Variants in SIDT1 observed in about 807,000 individuals in gnomAD.
The protein encoded by SIDT1 is SID1 transmembrane family member 1, also known as SID1 transmembrane family, member 1.
In SIDT1, 101 loss-of-function variants were observed where a neutral mutation model predicts 107.5. The ratio of observed to expected loss-of-function variants is 0.94; its 90% CI spans 0.80 to 1.11. SIDT1 has a LOEUF of 1.11. Ranked by LOEUF, SIDT1 falls within the 50% of genes least tolerant of loss-of-function variation. The pLI is 0.00. For missense variants in SIDT1, 1,076 were observed against 1,058.2 expected (o/e 1.02, Z -0.23); for synonymous variants, 395 against 398.2 (o/e 0.99, Z 0.10).
intron 1 of SIDT1, among the ~76,000 whole-genome samples, chr3:113,559,861 C>G (rs1941260142): frequency 6.6e-6 from 1 of 152,116 alleles, no homozygotes; most frequent in African/African-American, 2.4e-5. Context: ...TTTACATGTA[C>G]AAACATCCCT....
At chr3:113,618,097 CT>C (rs917943050) in intron 20 of SIDT1, among the ~76,000 whole-genome samples, 6 of 152,250 alleles carry the variant, frequency 3.9e-5, no homozygotes, top group Non-Finnish European at 5.9e-5. Flanking sequence ...CTCCCTCCCT[CT>C]TAAGTCCTCA....
chr3:113,534,248 C>A (rs543772999), intron 1 of SIDT1, among the ~76,000 whole-genome samples: 43 of 152,102 alleles, frequency 2.8e-4, no homozygotes, highest in Non-Finnish European at 5.2e-4. Flanking sequence ...GATATGCCTC[C>A]GTCTGATTCT....
At chr3:113,601,539 G>A (rs748730978) in intron 10 of SIDT1, 49 bp from the exon 11 acceptor site, 1 of 1,304,102 alleles carries the variant, frequency 7.7e-7, no homozygotes, top group Non-Finnish European at 1.1e-6. Flanking sequence ...GTGTTGTTTT[G>A]TTTTAGCAAC....
At chr3:113,581,537 A>G (rs1576841545) in intron 6 of SIDT1, 93 bp downstream of exon 6, 2 of 1,001,594 alleles carry the variant, frequency 2.0e-6, no homozygotes, top group South Asian at 1.3e-5. Flanking sequence ...ATGGCCATCC[A>G]TGATGTGCCT....
chr3:113,536,928 C>T (rs577351336), intron 1 of SIDT1, among the ~76,000 whole-genome samples: 1 of 152,316 alleles, frequency 6.6e-6, no homozygotes, highest in South Asian at 2.1e-4. Flanking sequence ...AACCACAGGG[C>T]TCAGCCAGGC....
intron 1 of SIDT1, among the ~76,000 whole-genome samples, chr3:113,550,367 G>A (rs1940081324): frequency 6.6e-6 from 1 of 152,152 alleles, no homozygotes; most frequent in Non-Finnish European, 1.5e-5. Flanking sequence ...CTGATTCAGA[G>A]CCATAACGAA....
At chr3:113,603,911 A>G (rs570731325) in intron 12 of SIDT1, 49 bp from the exon 13 acceptor site, 45 of 1,315,158 alleles carry the variant, frequency 3.4e-5, no homozygotes, top group Non-Finnish European at 4.9e-5. Flanking sequence ...TATCTCATGC[A>G]TAAAGAGCTG....
chr3:113,597,292 A>G (rs13100583), intron 10 of SIDT1, among the ~76,000 whole-genome samples: 12,930 of 152,062 alleles, frequency 0.085, 773 homozygotes, highest in Middle Eastern at 0.22. Context: ...CAGTCAGCAG[A>G]TTGAGACCAT....
rs1237043090 is a variant in SIDT1, at chr3:113,532,664, T to C, written c.-358T>C. On this transcript the variant is annotated 5_prime_UTR_variant, in exon 1 of 25. Transcript: ENST00000264852. ...CAATGCCTTTTTATTATTGCTGTTATTGAGGTTGAGGGAGAAGAGATCGGT... is the reference window on the plus strand; with the variant it reads ...CAATGCCTTTTTATTATTGCTGTTACTGAGGTTGAGGGAGAAGAGATCGGT... The C allele has an allele frequency of 8.5e-6, 2 of 235,704 alleles. No homozygotes were observed. The highest frequency in any genetic ancestry group is 1.6e-5 in the Non-Finnish European group (2 of 123,074). The allele number at this position is 235,704 out of a possible 1,614,324, so 14.6% of individuals were successfully genotyped here.
At chr3:113,630,158 G>A (rs188773884), downstream of SIDT1, among the ~76,000 whole-genome samples, 292 of 152,292 alleles carry the variant, frequency 1.9e-3, 4 homozygotes, top group East Asian at 9.6e-4. Flanking sequence ...CAACAGGAGC[G>A]TAACCGGAGA....
chr3:113,600,565 G>A (rs1944887340), intron 10 of SIDT1, among the ~76,000 whole-genome samples: 1 of 152,210 alleles, frequency 6.6e-6, no homozygotes, highest in Non-Finnish European at 1.5e-5. Flanking sequence ...TCAGTCAGTA[G>A]TAATAGAGGT....
chr3:113,597,622 C>T (rs1040481997), intron 10 of SIDT1, among the ~76,000 whole-genome samples: 7 of 151,996 alleles, frequency 4.6e-5, no homozygotes, highest in African/African-American at 1.7e-4. Context: ...ATATGAAGTC[C>T]CTGAAAGACG....
chr3:113,584,748 ACCATTGT>A lies in SIDT1; in HGVS notation c.889_895del (p.Ile297LeufsTer9). On this transcript the variant is annotated frameshift_variant, in exon 8 of 25. Coordinates refer to ENST00000264852, the MANE Select transcript of SIDT1 (RefSeq NM_017699.3). LOFTEE classifies it high-confidence loss of function. The stretch of plus-strand genomic sequence containing the variant: ...ACAGCGAAAAAAGAACCTTGAAGTG[ACCATTGT>A]CCCTTCCATTAAAGGTCAGTGTTGG... The A allele has an allele frequency of 1.3e-6, 2 of 1,595,516 alleles. No homozygotes were observed. Among genetic ancestry groups the A allele is most frequent in the Non-Finnish European group, 1.7e-6 (2 of 1,174,994 alleles).
At chr3:113,593,783 G>A (rs575300785) in intron 10 of SIDT1, among the ~76,000 whole-genome samples, 1 of 152,258 alleles carries the variant, frequency 6.6e-6, no homozygotes, top group South Asian at 2.1e-4. Context: ...TTTCTTAAGT[G>A]TCTAGAAAAC....
At chr3:113,543,000 G>A (rs1045668657) in intron 1 of SIDT1, among the ~76,000 whole-genome samples, 1 of 151,760 alleles carries the variant, frequency 6.6e-6, no homozygotes, top group African/African-American at 2.4e-5. Flanking sequence ...GGAGTGCAGT[G>A]GCGCGATCTT....
intron 3 of SIDT1, among the ~76,000 whole-genome samples, chr3:113,576,103 T>A (rs896332368): frequency 6.6e-6 from 1 of 152,242 alleles, no homozygotes; most frequent in Non-Finnish European, 1.5e-5. Flanking sequence ...ACACTTGAAC[T>A]GTTTCACAGA....
downstream of SIDT1, among the ~76,000 whole-genome samples, chr3:113,632,429 C>T (rs1947100369): frequency 2.0e-5 from 3 of 152,166 alleles, no homozygotes; most frequent in African/African-American, 7.2e-5. Flanking sequence ...TTATCTGAAC[C>T]TTTCACAAGG....
intron 1 of SIDT1, among the ~76,000 whole-genome samples, chr3:113,538,101 G>T (rs372386081): frequency 2.0e-5 from 3 of 152,226 alleles, no homozygotes; most frequent in East Asian, 3.9e-4. Flanking sequence ...CTTCTTATAA[G>T]GGCAGCAATC....
At chr3:113,579,938 C>A (rs1370890087) in intron 4 of SIDT1, among the ~76,000 whole-genome samples, 1 of 152,184 alleles carries the variant, frequency 6.6e-6, no homozygotes, top group East Asian at 1.9e-4. Flanking sequence ...AGTACAACCT[C>A]TTTCAATTAA....
Sources: gnomAD v4.1 joint callset for allele counts (sites outside exome capture counted in the v4.1 genomes callset) on GRCh38, gnomAD v4.1.1 for gene constraint, MANE v1.5 for transcripts, NCBI Gene and HGNC (gene_info 2026-07-23, HGNC 2026-07-21) for gene names.